The following CSMD1 variants were observed in gnomAD, a reference collection of about 807,000 sequenced individuals.
The protein encoded by CSMD1 is CUB and sushi domain-containing protein 1.
In CSMD1, 213 loss-of-function variants were observed where a neutral mutation model predicts 417.5. The observed-to-expected ratio is 0.51, with a 90% CI of 0.46 to 0.57. The LOEUF (loss-of-function observed/expected upper bound fraction) is 0.57, where lower values mean the gene tolerates loss of function less well. Among genes scored for constraint, CSMD1 ranks in the 20% least tolerant of loss-of-function variants. The pLI, the probability that CSMD1 is intolerant of heterozygous loss-of-function variation, is 0.00. For synonymous variants in CSMD1, 2,862 were observed against 1,736.8 expected (o/e 1.65, Z -16.11); for missense variants, 6,923 against 4,529.7 (o/e 1.53, Z -15.17).
Position 4,032,051 on chromosome 8 carries a change from A to G in CSMD1, c.464T>C (p.Val155Ala), listed in dbSNP as rs1330981871. ...CGNPGEILKG[V>A]LHGTRFNIGD... ...TATGTTGAATCTCGTTCCATGCAGAACTCCTTTCAGGATTTCTCCAGGATT... is the reference window on the plus strand; with the variant it reads ...TATGTTGAATCTCGTTCCATGCAGAGCTCCTTTCAGGATTTCTCCAGGATT... The change falls in exon 4 of 70, where the codon GTT (valine) becomes GCT (alanine). Residue 155 changes from valine to alanine, a missense_variant. Coordinates refer to ENST00000635120, the MANE Select transcript of CSMD1 (RefSeq NM_033225.6). The G allele has an allele frequency of 6.2e-7, 1 of 1,613,678 alleles. No individual in the cohort carries two copies. Among genetic ancestry groups the G allele is most frequent in the Non-Finnish European group, 8.5e-7 (1 of 1,179,802 alleles).
chr8:3,711,002 C>A (rs774759932), intron 6 of CSMD1, among the ~76,000 whole-genome samples: 1 of 152,170 alleles, frequency 6.6e-6, no homozygotes, highest in African/African-American at 2.4e-5. Context: ...TGACCTTGGA[C>A]TTCCCAGTAT....
chr8:3,289,694 T>C (rs1803408996), intron 25 of CSMD1, among the ~76,000 whole-genome samples: 1 of 147,368 alleles, frequency 6.8e-6, no homozygotes, highest in African/African-American at 2.7e-5. Context: ...TCTTGAAAAT[T>C]TGTTGGAGTT....
At chr8:4,639,106 G>A (rs1169627105) in intron 1 of CSMD1, among the ~76,000 whole-genome samples, 5 of 152,106 alleles carry the variant, frequency 3.3e-5, no homozygotes, top group Non-Finnish European at 4.4e-5. Flanking sequence ...CCTCACCGAT[G>A]CATTTCATTT....
At chr8:3,770,205 C>A in intron 5 of CSMD1, among the ~76,000 whole-genome samples, 1 of 152,204 alleles carries the variant, frequency 6.6e-6, no homozygotes. Context: ...TGAAACATTT[C>A]TACACATGGC....
chr8:3,167,606 T>C (rs1022027851), intron 37 of CSMD1, among the ~76,000 whole-genome samples: 1 of 152,230 alleles, frequency 6.6e-6, no homozygotes, highest in Non-Finnish European at 1.5e-5. Flanking sequence ...ACAAAGATGC[T>C]TCTATGTAAA....
At chr8:4,763,268 G>C (rs192281649) in intron 1 of CSMD1, among the ~76,000 whole-genome samples, 5 of 152,202 alleles carry the variant, frequency 3.3e-5, no homozygotes, top group East Asian at 1.9e-4. Flanking sequence ...ACAGTCCTTC[G>C]TGAATTTCAT....
intron 37 of CSMD1, among the ~76,000 whole-genome samples, chr8:3,172,993 A>T (rs1391600769): frequency 1.3e-5 from 2 of 152,192 alleles, no homozygotes; most frequent in East Asian, 1.9e-4. Flanking sequence ...GGCTGTCCCA[A>T]GAAGTGATTG....
chr8:3,733,460 T>C (rs1298637667), intron 6 of CSMD1, among the ~76,000 whole-genome samples: 3 of 151,738 alleles, frequency 2.0e-5, no homozygotes, highest in Non-Finnish European at 2.9e-5. Flanking sequence ...TCTTCACTTA[T>C]TCAATGTTTT....
At chr8:4,330,906 C>T (rs1799833615) in intron 3 of CSMD1, among the ~76,000 whole-genome samples, 1 of 152,064 alleles carries the variant, frequency 6.6e-6, no homozygotes, top group Admixed American at 6.6e-5. Context: ...ATTATGTATG[C>T]CCAGCACCCT....
intron 2 of CSMD1, among the ~76,000 whole-genome samples, chr8:4,459,726 A>G (rs1036080702): frequency 6.6e-6 from 1 of 152,232 alleles, no homozygotes; most frequent in Non-Finnish European, 1.5e-5. Flanking sequence ...TAATGAAGCA[A>G]TCAGGTGGAA....
At position 3,272,058 on chromosome 8, in the gene CSMD1, T is replaced by C. The variant is rs371727812; in HGVS notation, c.4153+12086A>G. 6.0e-5 allele frequency among the ~76,000 whole-genome samples: 9 copies of C among 150,564 alleles called. No individual in the cohort carries two copies. The East Asian group carries it at 1.6e-3, about 26-fold the overall frequency. ...AGGTTTTCTTCTAGGGTTTTTATGG[T>C]TTTAGGTCTAATGTTTAAGTCTTTA... On this transcript the variant is annotated intron_variant, in intron 26 of 69. Transcript: ENST00000635120.
chr8:3,855,621 T>C (rs981542000), intron 5 of CSMD1, among the ~76,000 whole-genome samples: 2 of 152,188 alleles, frequency 1.3e-5, no homozygotes, highest in African/African-American at 2.4e-5. Context: ...CTAATTCCTA[T>C]GACAGTTTAC....
intron 1 of CSMD1, among the ~76,000 whole-genome samples, chr8:4,986,972 C>A (rs566084803): frequency 1.3e-5 from 2 of 152,196 alleles, no homozygotes; most frequent in Non-Finnish European, 2.9e-5. Context: ...ATATATAATA[C>A]ATAGATAATG....
chr8:4,944,545 G>A (rs1173904331), intron 1 of CSMD1, among the ~76,000 whole-genome samples: 1 of 152,094 alleles, frequency 6.6e-6, no homozygotes, highest in Non-Finnish European at 1.5e-5. Flanking sequence ...GTTACTAAAA[G>A]GAGTCTACAG....
intron 3 of CSMD1, among the ~76,000 whole-genome samples, chr8:4,254,274 G>A (rs1473098088): frequency 6.6e-6 from 1 of 151,978 alleles, no homozygotes; most frequent in East Asian, 1.9e-4. Flanking sequence ...GAACACCTGT[G>A]CCAGTTACTT....
At chr8:4,934,926 T>C (rs909763736) in intron 1 of CSMD1, among the ~76,000 whole-genome samples, 3 of 152,192 alleles carry the variant, frequency 2.0e-5, no homozygotes, top group Non-Finnish European at 4.4e-5. Context: ...TCAGCAATCA[T>C]CCATCAATCA....
intron 2 of CSMD1, among the ~76,000 whole-genome samples, chr8:4,629,888 T>C (rs1195822776): frequency 6.6e-6 from 1 of 152,182 alleles, no homozygotes; most frequent in Non-Finnish European, 1.5e-5. Flanking sequence ...TAAATCTGAA[T>C]GCTTTTCCTT....
intron 10 of CSMD1, among the ~76,000 whole-genome samples, chr8:3,532,201 G>A (rs569304483): frequency 2.6e-5 from 4 of 152,212 alleles, no homozygotes; most frequent in East Asian, 1.9e-4. Flanking sequence ...CCCTTAGTAT[G>A]TCCGTGTCCT....
chr8:4,200,667 G>A lies in CSMD1; in HGVS notation c.416-168568C>T, dbSNP rs368468262. ...GACTAAGAGTTCAAGACCACCCTGG[G>A]CAAGGTAGGAAGACCGCACCTCTAC... On this transcript the variant is annotated intron_variant, in intron 3 of 69. Coordinates refer to ENST00000635120, the MANE Select transcript of CSMD1 (RefSeq NM_033225.6). Among the ~76,000 whole-genome samples, 30 of 152,218 alleles carry A rather than the reference G, an allele frequency of 2.0e-4. No individual in the cohort carries two copies. The East Asian group carries it at 4.5e-3, about 23-fold the overall frequency.
Sources: allele counts gnomAD v4.1 joint callset (sites outside exome capture counted in the v4.1 genomes callset), GRCh38; gene constraint gnomAD v4.1.1; transcripts MANE v1.5; gene names NCBI Gene and HGNC (gene_info 2026-07-23, HGNC 2026-07-21).